DDX1: variants seen among roughly 807,000 people sequenced by gnomAD.
DDX1 encodes ATP-dependent RNA helicase DDX1.
A neutral mutation model predicts 108.7 loss-of-function variants in DDX1; 28 were observed. The observed-to-expected ratio is 0.26, with a 90% CI of 0.19 to 0.35. The LOEUF is 0.35. Ranked by LOEUF, DDX1 falls within the 10% of genes least tolerant of loss-of-function variation. The pLI is 1.00. For missense variants in DDX1, 710 were observed against 884.5 expected (o/e 0.80, Z 2.50); for synonymous variants, 295 against 288.9 (o/e 1.02, Z -0.21).
At chr2:15,614,082 A>G (rs554676706) in intron 14 of DDX1, among the ~76,000 whole-genome samples, 1 of 152,218 alleles carries the variant, frequency 6.6e-6, no homozygotes, top group East Asian at 1.9e-4. Context: ...TGGCCTCCCA[A>G]AGTGCTGGGA....
intron 19 of DDX1, among the ~76,000 whole-genome samples, chr2:15,625,231 T>G (rs200216654): frequency 1.5e-4 from 17 of 113,266 alleles, no homozygotes; most frequent in Admixed American, 4.4e-4. Context: ...ATCAATCTAT[T>G]TATATGACAT....
chr2:15,617,813 C>T (rs562072938), intron 15 of DDX1, among the ~76,000 whole-genome samples: 2 of 152,270 alleles, frequency 1.3e-5, no homozygotes, highest in South Asian at 2.1e-4. Context: ...AGACATACTT[C>T]CAAATCATTT....
At chr2:15,628,862 A>G (rs1284734980) in intron 23 of DDX1, 23 bp downstream of exon 23, 45 of 1,598,040 alleles carry the variant, frequency 2.8e-5, no homozygotes, top group Non-Finnish European at 3.6e-5. Flanking sequence ...GGGCTCTATT[A>G]TATTCATTGT....
chr2:15,607,470 C>T (rs373206706), intron 13 of DDX1, among the ~76,000 whole-genome samples, 157 bp downstream of exon 13: 3 of 151,906 alleles, frequency 2.0e-5, no homozygotes, highest in Admixed American at 6.6e-5. Flanking sequence ...CCATATACAA[C>T]TCCTGTTTGT....
intron 6 of DDX1, among the ~76,000 whole-genome samples, 174 bp downstream of exon 6, chr2:15,599,890 A>G (rs1206051390): frequency 1.3e-5 from 2 of 152,260 alleles, no homozygotes; most frequent in East Asian, 1.9e-4. Context: ...CATAATGGAA[A>G]TAAATCTCAG....
intron 6 of DDX1, among the ~76,000 whole-genome samples, chr2:15,601,252 T>C (rs574344574): frequency 7.9e-5 from 12 of 152,078 alleles, no homozygotes; most frequent in Non-Finnish European, 1.6e-4. Context: ...AACAGACACA[T>C]GTTTGTTTAT....
chr2:15,630,241 TA>T, intron 25 of DDX1, 131 bp downstream of exon 25: 2 of 879,360 alleles, frequency 2.3e-6, no homozygotes, highest in Non-Finnish European at 3.5e-6. Context: ...ATTCCCTCCT[TA>T]TTACCCTCAT....
chr2:15,601,773 T>C (rs1665592099), intron 6 of DDX1, among the ~76,000 whole-genome samples: 4 of 152,218 alleles, frequency 2.6e-5, no homozygotes, highest in Non-Finnish European at 5.9e-5. Flanking sequence ...AGATGTGTGT[T>C]GAGGTGCTTA....
Position 15,599,688 on chromosome 2 carries a change from G to T in DDX1, c.279G>T (p.Met93Ile). Residue 93 changes from methionine (M) to isoleucine (I), a missense_variant, in exon 6 of 26, where the codon ATG (methionine) becomes ATT (isoleucine). This residue lies in a region of DDX1 where 661 missense variants were observed against 810.2 expected (regional missense o/e 0.82). Transcript: ENST00000233084. ...TGASVLNKWQ[M>I]NPYDRGSAFA... ...GTTTAGTGCTGAACAAATGGCAGAT[G>T]AACCCATATGACAGAGGATCTGCTT... 6.2e-7 allele frequency: 1 copy of T among 1,606,354 alleles called. No individual in the cohort carries two copies. Among genetic ancestry groups the T allele is most frequent in the Non-Finnish European group, 8.5e-7 (1 of 1,176,104 alleles).
chr2:15,607,223 C>G lies in DDX1; in HGVS notation c.866C>G (p.Ala289Gly), dbSNP rs1237044183. 6.2e-7 allele frequency: 1 copy of G among 1,613,914 alleles called. No homozygotes were observed. The highest frequency in any genetic ancestry group is 8.5e-7 in the Non-Finnish European group (1 of 1,179,810). The change falls in exon 13 of 26, where the codon GCT (alanine) becomes GGT (glycine). Residue 289 changes from alanine to glycine, a missense_variant. Physicochemically the swap from Ala to Gly is moderately conservative, Grantham distance 60 (BLOSUM62 0). Transcript: ENST00000233084. Reference protein sequence around the residue: ...QTKFLPNAPKALIVEPSRELA... With the variant: ...QTKFLPNAPKGLIVEPSRELA... ...AAGTTTCTCCCCAATGCTCCGAAAG[C>G]TCTCATTGTTGAACCTTCCCGGGAG...
intron 14 of DDX1, among the ~76,000 whole-genome samples, chr2:15,615,004 G>A (rs962828057): frequency 6.6e-6 from 1 of 152,178 alleles, no homozygotes; most frequent in African/African-American, 2.4e-5. Context: ...AATTGGAAAG[G>A]TAGTGTTATA....
intron 14 of DDX1, 73 bp downstream of exon 14, chr2:15,613,357 T>C: frequency 1.9e-6 from 2 of 1,072,082 alleles, no homozygotes; most frequent in Non-Finnish European, 2.7e-6. Context: ...CTGTTTTGTT[T>C]CAAGAAAATT....
At position 15,602,619 on chromosome 2, in the gene DDX1, G is replaced by C. The variant is rs1471433374; in HGVS notation, c.379G>C (p.Gly127Arg). 14 of 1,610,530 alleles carry C rather than the reference G, an allele frequency of 8.7e-6. No homozygotes were observed. The Admixed American group carries it at 2.3e-4, about 27-fold the overall frequency. The stretch of plus-strand genomic sequence containing the variant: ...ATGGCATGGGTGTAGAGCTACTAAA[G>C]GATTAATGAAAGGTATTTGAACAGC... ...KEWHGCRATKGLMKGKHYYEV... is the reference protein window; with the variant it reads ...KEWHGCRATKRLMKGKHYYEV... Residue 127 changes from glycine (G) to arginine (R), a missense_variant, in exon 7 of 26, where the codon GGA (glycine) becomes CGA (arginine). Physicochemically the swap from Gly to Arg is moderately radical, Grantham distance 125. Transcript: ENST00000233084.
At chr2:15,617,523 C>G (rs1033342650) in intron 15 of DDX1, among the ~76,000 whole-genome samples, 181 bp downstream of exon 15, 2 of 151,984 alleles carry the variant, frequency 1.3e-5, no homozygotes, top group African/African-American at 4.8e-5. Context: ...TAGTTGAAAT[C>G]AAGATATGAG....
chr2:15,595,662 A>G, intron 3 of DDX1, 109 bp downstream of exon 3: 2 of 816,382 alleles, frequency 2.4e-6, no homozygotes, highest in Non-Finnish European at 4.2e-6. Context: ...TGATACATAT[A>G]CTGTATTCAG....
Position 15,599,592 on chromosome 2 carries a change from C to A in DDX1, c.260-77C>A. ...CTTCCCAAAGTGCTGAGATTACAGTCGTGAGTCACCGCACCCGGCCAAGCA... is the reference window on the plus strand; with the variant it reads ...CTTCCCAAAGTGCTGAGATTACAGTAGTGAGTCACCGCACCCGGCCAAGCA... On this transcript the variant is annotated intron_variant, in intron 5 of 25. Coordinates refer to ENST00000233084, the MANE Select transcript of DDX1 (RefSeq NM_004939.3). 3.6e-6 allele frequency: 4 copies of A among 1,113,976 alleles called. No homozygotes were observed. The South Asian group carries it at 4.3e-5, about 12-fold the overall frequency. The allele number at this position is 1,113,976 out of a possible 1,614,324, so 69.0% of individuals were successfully genotyped here. A position where few individuals can be genotyped will look rare whatever the true frequency, so the allele number is the denominator to read the frequency against.
chr2:15,615,215 A>C (rs1302363805), intron 14 of DDX1, among the ~76,000 whole-genome samples: 1 of 152,168 alleles, frequency 6.6e-6, no homozygotes, highest in Admixed American at 6.5e-5. Flanking sequence ...TTAGTTTTCT[A>C]ATCTTTTAGT....
chr2:15,600,491 GT>G (rs879398244), intron 6 of DDX1, among the ~76,000 whole-genome samples: 7 of 152,156 alleles, frequency 4.6e-5, no homozygotes, highest in Non-Finnish European at 1.0e-4. Flanking sequence ...GTTTCAGAGT[GT>G]TTTGGTTTTG....
intron 14 of DDX1, among the ~76,000 whole-genome samples, chr2:15,613,551 A>C (rs1665838491): frequency 6.6e-6 from 1 of 152,174 alleles, no homozygotes; most frequent in Non-Finnish European, 1.5e-5. Flanking sequence ...TCTGGCCTTC[A>C]TGGGTAAAGA....
Sources: gnomAD v4.1 joint callset for allele counts (sites outside exome capture counted in the v4.1 genomes callset) on GRCh38, gnomAD v4.1.1 for gene constraint, gnomAD v4.1.1 regional missense constraint, MANE v1.5 for transcripts, NCBI Gene and HGNC (gene_info 2026-07-23, HGNC 2026-07-21) for gene names.